The following AUTS2 variants were observed in gnomAD, a reference collection of about 807,000 sequenced individuals.
AUTS2 encodes activator of transcription and developmental regulator AUTS2.
A neutral mutation model predicts 112.4 loss-of-function variants in AUTS2; 17 were observed. The observed-to-expected ratio is 0.15, with a 90% CI of 0.10 to 0.23. The LOEUF is 0.23. AUTS2 is among the 10% of genes least tolerant of loss of function. The probability of loss-of-function intolerance (pLI) is 1.00; values close to 1 mark genes in which losing one functional copy is unlikely to be tolerated. For missense variants in AUTS2, 1,510 were observed against 1,701.6 expected (o/e 0.89, Z 1.98); for synonymous variants, 751 against 702.7 (o/e 1.07, Z -1.09).
At chr7:70,564,453 T>C (rs1381850713) in intron 5 of AUTS2, among the ~76,000 whole-genome samples, 1 of 152,210 alleles carries the variant, frequency 6.6e-6, no homozygotes, top group Non-Finnish European at 1.5e-5. Context: ...GGCAATTAGG[T>C]TTACTACTTA....
At chr7:69,982,074 T>C (rs938482240) in intron 2 of AUTS2, among the ~76,000 whole-genome samples, 2 of 152,250 alleles carry the variant, frequency 1.3e-5, no homozygotes, top group Non-Finnish European at 2.9e-5. Context: ...TTTAGGAATA[T>C]ACTGTCTGAA....
chr7:70,651,455 G>A (rs990532711), intron 5 of AUTS2, among the ~76,000 whole-genome samples: 3 of 152,188 alleles, frequency 2.0e-5, no homozygotes, highest in African/African-American at 7.2e-5. Context: ...AGTCAAAAAT[G>A]CATTTAATAC....
intron 1 of AUTS2, among the ~76,000 whole-genome samples, chr7:69,648,948 ATTTAAG>A (rs771151219): frequency 5.9e-5 from 9 of 152,190 alleles, no homozygotes; most frequent in Non-Finnish European, 1.2e-4. Context: ...ACTTAGTGCT[ATTTAAG>A]TTGGATGGCT....
At chr7:70,314,272 A>G (rs1287937879) in intron 4 of AUTS2, among the ~76,000 whole-genome samples, 1 of 152,230 alleles carries the variant, frequency 6.6e-6, no homozygotes, top group Non-Finnish European at 1.5e-5. Context: ...AGTAAGGAAC[A>G]CTAGGCAGCC....
chr7:70,528,039 G>A (rs955756030), intron 5 of AUTS2, among the ~76,000 whole-genome samples: 19 of 150,894 alleles, frequency 1.3e-4, no homozygotes, highest in African/African-American at 4.1e-4. Flanking sequence ...TAGAGGATGG[G>A]TAACATAGAC....
intron 2 of AUTS2, among the ~76,000 whole-genome samples, chr7:69,908,659 C>T (rs1211148356): frequency 1.3e-5 from 2 of 152,216 alleles, no homozygotes; most frequent in African/African-American, 2.4e-5. Context: ...CCTGCAGTGA[C>T]GCTGATGTAG....
intron 4 of AUTS2, among the ~76,000 whole-genome samples, chr7:70,239,380 A>G (rs1812488263): frequency 6.6e-6 from 1 of 151,812 alleles, no homozygotes; most frequent in Admixed American, 6.6e-5. Flanking sequence ...AACCCCTTCT[A>G]CCTTTCTCCT....
chr7:70,100,429 AT>A (rs59053495), intron 2 of AUTS2, among the ~76,000 whole-genome samples: 6,864 of 145,202 alleles, frequency 0.047, 208 homozygotes, highest in South Asian at 0.12. Context: ...CGGTTGTACC[AT>A]TTTTTTTTTT....
chr7:69,785,177 T>G (rs1789313227), intron 1 of AUTS2, among the ~76,000 whole-genome samples: 1 of 152,250 alleles, frequency 6.6e-6, no homozygotes, highest in Non-Finnish European at 1.5e-5. Context: ...ACTTCAGTTG[T>G]TCAAATTATT....
At chr7:70,771,695 C>A in intron 11 of AUTS2, 51 bp downstream of exon 11, 1 of 1,531,482 alleles carries the variant, frequency 6.5e-7, no homozygotes, top group South Asian at 1.1e-5. Flanking sequence ...AGTGGCGTCC[C>A]GGGCCAGGCG....
intron 5 of AUTS2, among the ~76,000 whole-genome samples, chr7:70,532,143 A>C (rs1359060582): frequency 6.6e-6 from 1 of 152,162 alleles, no homozygotes; most frequent in Admixed American, 6.5e-5. Flanking sequence ...GATTCCAAGG[A>C]GCAGCAAGAG....
intron 4 of AUTS2, among the ~76,000 whole-genome samples, chr7:70,415,373 A>G (rs1794946911): frequency 6.6e-6 from 1 of 152,244 alleles, no homozygotes; most frequent in African/African-American, 2.4e-5. Context: ...AGTCTGAAGC[A>G]TGAGCTGATG....
chr7:70,397,889 T>C (rs1372708400), intron 4 of AUTS2, among the ~76,000 whole-genome samples: 1 of 152,250 alleles, frequency 6.6e-6, no homozygotes, highest in African/African-American at 2.4e-5. Context: ...TTTTAGTGTT[T>C]AAATTTCAGT....
At chr7:70,238,702 A>C (rs12698878) in intron 4 of AUTS2, among the ~76,000 whole-genome samples, 15,137 of 151,938 alleles carry the variant, frequency 0.1, 811 homozygotes, top group Admixed American at 0.13. Flanking sequence ...GATTTATTGC[A>C]TGTTATTAGT....
intron 6 of AUTS2, among the ~76,000 whole-genome samples, chr7:70,745,038 T>C (rs1163879322): frequency 2.2e-5 from 1 of 44,650 alleles, no homozygotes. Context: ...AATTAGCAAT[T>C]TTTTTTTTTG....
intron 4 of AUTS2, among the ~76,000 whole-genome samples, chr7:70,224,119 A>C (rs547755765): frequency 1.3e-5 from 2 of 152,230 alleles, no homozygotes; most frequent in East Asian, 1.9e-4. Context: ...GTTCAAGATC[A>C]GCCTGTGCAA....
At position 70,151,624 on chromosome 7, in the gene AUTS2, A is replaced by AT. The variant is rs528148087; in HGVS notation, c.660+17060dup. On this transcript the variant is annotated intron_variant, in intron 4 of 18. Transcript: ENST00000342771. Reference sequence around the variant, plus strand: ...GAGTAGCTGAGAGCTAATTTTTGTCATTTTTTTAGTTGAGATGGGGTTTCA... The same window carrying AT: ...GAGTAGCTGAGAGCTAATTTTTGTCATTTTTTTTAGTTGAGATGGGGTTTCA... Among the ~76,000 whole-genome samples the AT allele has an allele frequency of 3.4e-4, 52 of 151,656 alleles. 1 individual carries two copies. Among genetic ancestry groups the AT allele is most frequent in the African/African-American group, 1.1e-3 (45 of 41,374 alleles).
chr7:70,383,812 C>G (rs887821839), intron 4 of AUTS2, among the ~76,000 whole-genome samples: 2 of 152,242 alleles, frequency 1.3e-5, no homozygotes, highest in African/African-American at 4.8e-5. Flanking sequence ...TTACTGTTTG[C>G]TGCCTCCCTT....
At chr7:69,863,138 A>C (rs986038572) in intron 1 of AUTS2, among the ~76,000 whole-genome samples, 2 of 152,284 alleles carry the variant, frequency 1.3e-5, no homozygotes, top group Admixed American at 6.5e-5. Context: ...CAGTCTGTCT[A>C]TCCATGGGTT....
Sources: allele counts gnomAD v4.1 joint callset (sites outside exome capture counted in the v4.1 genomes callset), GRCh38; gene constraint gnomAD v4.1.1; transcripts MANE v1.5; gene names NCBI Gene and HGNC (gene_info 2026-07-23, HGNC 2026-07-21).